The following FBXL13 variants were observed in gnomAD, a reference collection of about 807,000 sequenced individuals.
FBXL13 encodes F-box and leucine rich repeat protein 13.
FBXL13 carries 67 observed loss-of-function variants against 83.6 expected under a neutral mutation model. That is an observed-to-expected ratio of 0.80 (90% CI 0.66 to 0.98). The LOEUF (loss-of-function observed/expected upper bound fraction) is 0.98, where lower values mean the gene tolerates loss of function less well. Ranked by LOEUF, FBXL13 falls within the 50% of genes least tolerant of loss-of-function variation. FBXL13 has a pLI of 0.00. For missense variants in FBXL13, 822 were observed against 866.5 expected, an observed-to-expected ratio of 0.95 and a Z score of 0.64; for synonymous variants, 272 against 299.5, an observed-to-expected ratio of 0.91 and a Z score of 0.95.
intron 6 of FBXL13, chr7:102,973,790 C>T (rs751470041): frequency 6.7e-6 from 5 of 751,360 alleles, no homozygotes; most frequent in South Asian, 1.4e-5. Flanking sequence ...CCCGGGAGCC[C>T]GGTTAACAAG....
chr7:102,878,799 T>C (rs764819407), intron 14 of FBXL13, among the ~76,000 whole-genome samples: 3 of 152,142 alleles, frequency 2.0e-5, no homozygotes, highest in Non-Finnish European at 2.9e-5. Flanking sequence ...AGATCAAAAC[T>C]TAGGAGAGTG....
chr7:103,066,309 T>C (rs530145183), intron 1 of FBXL13, among the ~76,000 whole-genome samples: 1 of 152,194 alleles, frequency 6.6e-6, no homozygotes, highest in African/African-American at 2.4e-5. Flanking sequence ...CATCTTTCAA[T>C]AAAATTTTAC....
chr7:103,000,182 T>C (rs1413170100), intron 6 of FBXL13, among the ~76,000 whole-genome samples: 1 of 152,180 alleles, frequency 6.6e-6, no homozygotes, highest in Non-Finnish European at 1.5e-5. Context: ...AGGAGTATGT[T>C]GGTCAATTTC....
At chr7:102,997,923 T>A (rs1413768750) in intron 6 of FBXL13, among the ~76,000 whole-genome samples, 1 of 152,198 alleles carries the variant, frequency 6.6e-6, no homozygotes, top group Non-Finnish European at 1.5e-5. Flanking sequence ...TTCTTTTGGA[T>A]TTATACTCAG....
At chr7:102,900,697 G>A (rs757803272) in intron 11 of FBXL13, among the ~76,000 whole-genome samples, 8 of 152,128 alleles carry the variant, frequency 5.3e-5, no homozygotes, top group Non-Finnish European at 8.8e-5. Context: ...AGATATCTGT[G>A]CTTCACGACG....
At chr7:102,926,357 G>A (rs1818133689) in exon 10 of FBXL13, 2 of 1,613,382 alleles carry the variant, frequency 1.2e-6, no homozygotes, top group South Asian at 2.2e-5. Flanking sequence ...CCTCAGAAAT[G>A]TGTCTCATTG....
chr7:103,060,008 T>C (rs148605086), intron 1 of FBXL13, among the ~76,000 whole-genome samples: 2,172 of 115,360 alleles, frequency 0.019, 81 homozygotes, highest in African/African-American at 0.068. Flanking sequence ...CAGATAATGA[T>C]AGCAAGATAT....
intron 10 of FBXL13, among the ~76,000 whole-genome samples, chr7:102,920,769 C>T (rs1318629674): frequency 6.6e-6 from 1 of 152,050 alleles, no homozygotes; most frequent in African/African-American, 2.4e-5. Context: ...CCTAAAATCC[C>T]GCATCACAAA....
At chr7:102,985,086 C>T (rs1286788147) in intron 6 of FBXL13, among the ~76,000 whole-genome samples, 2 of 152,202 alleles carry the variant, frequency 1.3e-5, no homozygotes, top group East Asian at 1.9e-4. Flanking sequence ...GACCTTCATT[C>T]CTGACACCTG....
intron 10 of FBXL13, among the ~76,000 whole-genome samples, chr7:102,924,068 CT>C (rs1817594738): frequency 1.3e-5 from 2 of 151,672 alleles, no homozygotes; most frequent in Non-Finnish European, 2.9e-5. Flanking sequence ...AGAGAAACCC[CT>C]CTCTACTAAA....
intron 11 of FBXL13, among the ~76,000 whole-genome samples, chr7:102,888,205 G>A (rs1292134984): frequency 6.6e-6 from 1 of 152,222 alleles, no homozygotes; most frequent in African/African-American, 2.4e-5. Flanking sequence ...GTAAGATAAA[G>A]TCTGGGAAAG....
intron 6 of FBXL13, among the ~76,000 whole-genome samples, chr7:103,022,979 A>G (rs1165396011): frequency 1.3e-5 from 2 of 152,204 alleles, no homozygotes; most frequent in Non-Finnish European, 2.9e-5. Context: ...ATTTACAAGA[A>G]AAAAACACCA....
chr7:102,998,492 A>G (rs1790044424), intron 6 of FBXL13, among the ~76,000 whole-genome samples: 1 of 152,040 alleles, frequency 6.6e-6, no homozygotes, highest in African/African-American at 2.4e-5. Context: ...ATTCCTAGAT[A>G]TTTTATATTT....
chr7:103,043,156 C>T (rs879900247), intron 2 of FBXL13, among the ~76,000 whole-genome samples: 35 of 151,966 alleles, frequency 2.3e-4, no homozygotes, highest in South Asian at 6.2e-4. Context: ...AAAAAGTGGG[C>T]AAAGGATATG....
intron 8 of FBXL13, chr7:102,933,765 C>A (rs1286014369): frequency 1.7e-5 from 12 of 707,272 alleles, no homozygotes; most frequent in East Asian, 5.7e-5. Flanking sequence ...ATATTTTTTT[C>A]TCTTCCAGCC....
chr7:102,892,896 G>C (rs1258360153), intron 11 of FBXL13, among the ~76,000 whole-genome samples: 1 of 152,074 alleles, frequency 6.6e-6, no homozygotes, highest in South Asian at 2.1e-4. Flanking sequence ...GCTTAAAATA[G>C]GCCATGGTGA....
At chr7:102,812,126 CAAGGCTT>C (rs1797468513), downstream of FBXL13, among the ~76,000 whole-genome samples, 1 of 152,184 alleles carries the variant, frequency 6.6e-6, no homozygotes, top group Non-Finnish European at 1.5e-5. Flanking sequence ...ATATTGCTGA[CAAGGCTT>C]GTTTGCGGCA....
At chr7:103,048,043 C>A (rs781259032) in intron 2 of FBXL13, among the ~76,000 whole-genome samples, 4 of 152,122 alleles carry the variant, frequency 2.6e-5, no homozygotes, top group Non-Finnish European at 5.9e-5. Flanking sequence ...AAAATATAAC[C>A]TGAAGATTAA....
chr7:103,040,112 T>A (rs957732183), intron 2 of FBXL13, among the ~76,000 whole-genome samples: 1 of 149,604 alleles, frequency 6.7e-6, no homozygotes, highest in African/African-American at 2.5e-5. Context: ...AAGCTCAAAA[T>A]AAAGGGATGG....
Sources: allele counts gnomAD v4.1 joint callset (sites outside exome capture counted in the v4.1 genomes callset), GRCh38; gene constraint gnomAD v4.1.1; transcripts MANE v1.5; gene names NCBI Gene and HGNC (gene_info 2026-07-23, HGNC 2026-07-21).